BOC: variants seen among roughly 807,000 people sequenced by gnomAD.
The protein encoded by BOC is brother of CDO.
A neutral mutation model predicts 112.0 loss-of-function variants in BOC; 76 were observed. The observed-to-expected ratio is 0.68, with a 90% CI of 0.56 to 0.82. The LOEUF (loss-of-function observed/expected upper bound fraction) is 0.82, where lower values mean the gene tolerates loss of function less well. BOC is among the 40% of genes least tolerant of loss of function. The pLI, the probability that BOC is intolerant of heterozygous loss-of-function variation, is 0.00. For missense variants in BOC, 1,309 were observed against 1,511.7 expected (o/e 0.87, Z 2.22); for synonymous variants, 580 against 599.8 (o/e 0.97, Z 0.48).
intron 4 of BOC, among the ~76,000 whole-genome samples, chr3:113,257,841 C>G (rs1243868045): frequency 6.6e-6 from 1 of 152,156 alleles, no homozygotes; most frequent in Admixed American, 6.5e-5. Context: ...TGAAAAACAG[C>G]AAAGCACTCA....
In BOC at chr3:113,281,869, CCTGAGTGCCT is replaced by C. The variant is rs1347018917; in HGVS notation, c.2434+720_2434+729del. On this transcript the variant is annotated intron_variant, in intron 15 of 19. Coordinates refer to ENST00000682979, the MANE Select transcript of BOC (RefSeq NM_001378074.1). ...GCTTTCAGTTGTTCAGCAGATCCTC[CCTGAGTGCCT>C]CTGTGTCTCTCCCTGCCCTCTTCCA... Among the ~76,000 whole-genome samples the C allele has an allele frequency of 3.9e-5, 6 of 152,170 alleles. No homozygotes were observed. The South Asian group carries it at 1.0e-3, about 26-fold the overall frequency.
At chr3:113,286,582 C>G in intron 19 of BOC, 93 bp from the exon 20 acceptor site, 4 of 1,162,936 alleles carry the variant, frequency 3.4e-6, no homozygotes, top group Non-Finnish European at 4.7e-6. Context: ...AGTGTAACCA[C>G]CTCCACCACA....
intron 2 of BOC, among the ~76,000 whole-genome samples, chr3:113,236,084 A>G (rs1220205077): frequency 6.6e-6 from 1 of 151,718 alleles, no homozygotes; most frequent in Non-Finnish European, 1.5e-5. Context: ...AGGAAAGGAA[A>G]TCATTACATA....
chr3:113,219,948 C>T (rs776125520), intron 2 of BOC, among the ~76,000 whole-genome samples: 7 of 152,154 alleles, frequency 4.6e-5, no homozygotes, highest in Non-Finnish European at 1.0e-4. Flanking sequence ...GAGTCTGCTG[C>T]TTCTTAATCT....
At chr3:113,222,536 T>C (rs552988877) in intron 2 of BOC, among the ~76,000 whole-genome samples, 1 of 152,200 alleles carries the variant, frequency 6.6e-6, no homozygotes, top group South Asian at 2.1e-4. Flanking sequence ...TTCTTCTCTC[T>C]TCCTCAAGGT....
chr3:113,279,750 G>C, intron 12 of BOC, 74 bp from the exon 13 acceptor site: 1 of 1,467,976 alleles, frequency 6.8e-7, no homozygotes, highest in East Asian at 2.3e-5. Flanking sequence ...TCCAGGTCCT[G>C]GGCCTTGAAA....
intron 4 of BOC, among the ~76,000 whole-genome samples, chr3:113,264,643 C>T (rs1249707731): frequency 6.6e-6 from 1 of 152,152 alleles, no homozygotes; most frequent in Non-Finnish European, 1.5e-5. Flanking sequence ...ATCATGAACT[C>T]CCCACCCCTC....
chr3:113,235,199 G>T (rs994274956), intron 2 of BOC, among the ~76,000 whole-genome samples: 4 of 152,194 alleles, frequency 2.6e-5, no homozygotes, highest in Non-Finnish European at 5.9e-5. Flanking sequence ...TGTCAACTCT[G>T]AGCACCTAAA....
intron 2 of BOC, among the ~76,000 whole-genome samples, chr3:113,239,641 G>A (rs78397343): frequency 0.015 from 2,219 of 152,298 alleles, 50 homozygotes; most frequent in African/African-American, 0.05. Flanking sequence ...CCCACATGGC[G>A]GGCTTGTCAC....
In BOC at chr3:113,276,153, C is replaced by T. The variant is rs553385110; in HGVS notation, c.1542+1471C>T. Among the ~76,000 whole-genome samples, 12 of 152,328 alleles carry T rather than the reference C, an allele frequency of 7.9e-5. No homozygotes were observed. In the East Asian group the frequency reaches 9.6e-4, roughly 12 times the overall value. ...TAGACAAAGATCAGGGCAGGCCAAA[C>T]GCCCATGGTTCCCAGGAGACAAAAC... On this transcript the variant is annotated intron_variant, in intron 9 of 19. Coordinates refer to ENST00000682979, the MANE Select transcript of BOC (RefSeq NM_001378074.1).
At position 113,270,936 on chromosome 3, in the gene BOC, G is replaced by T. The variant is rs142636875; in HGVS notation, c.659G>T (p.Arg220Leu). The T allele has an allele frequency of 1.2e-6, 2 of 1,614,178 alleles. No homozygotes were observed. Among genetic ancestry groups the T allele is most frequent in the Non-Finnish European group, 1.7e-6 (2 of 1,180,036 alleles). Residue 220 changes from arginine (R) to leucine (L), a missense_variant, in exon 6 of 20, where the codon CGT becomes CTT. Physicochemically the swap from Arg to Leu is moderately radical, Grantham distance 102 (BLOSUM62 -2). Transcript: ENST00000682979. ...ACCTCCGGCTCCAGCGACAGGCTAC[G>T]TGTGCGCCGTAAGGCCCGGGCCCAC... ...VKTSGSSDRL[R>L]VRRSTAEAAR...
Position 113,281,165 on chromosome 3 carries a change from TG to T in BOC, c.2434+15del. On this transcript the variant is annotated intron_variant, in intron 15 of 19. Coordinates refer to ENST00000682979, the MANE Select transcript of BOC (RefSeq NM_001378074.1). ...CTGTGAGACCAAAGGTGAAGCTCTT[TG>T]GGTTCTCTCTCCTGTCTTGGTGTTT... is the stretch of plus-strand genomic sequence containing the variant. 1.2e-6 allele frequency: 2 copies of T among 1,613,928 alleles called. No individual in the cohort carries two copies. Among genetic ancestry groups the T allele is most frequent in the Non-Finnish European group, 1.7e-6 (2 of 1,179,894 alleles).
chr3:113,283,781 C>A, intron 16 of BOC, 149 bp downstream of exon 16: 1 of 718,690 alleles, frequency 1.4e-6, no homozygotes, highest in Non-Finnish European at 2.2e-6. Flanking sequence ...ACGACTGGGC[C>A]CCTCCCCCAG....
At chr3:113,237,891 A>G (rs1943779310) in intron 2 of BOC, among the ~76,000 whole-genome samples, 1 of 152,202 alleles carries the variant, frequency 6.6e-6, no homozygotes, top group African/African-American at 2.4e-5. Context: ...CTGAAAAAGC[A>G]CCTATGATGT....
intron 2 of BOC, among the ~76,000 whole-genome samples, chr3:113,218,885 G>A (rs1408561151): frequency 1.3e-5 from 2 of 152,202 alleles, no homozygotes; most frequent in Non-Finnish European, 2.9e-5. Flanking sequence ...TCAACAATGG[G>A]AGAAGGGGGG....
chr3:113,258,488 G>A (rs6438134), intron 4 of BOC, among the ~76,000 whole-genome samples: 8,854 of 152,168 alleles, frequency 0.058, 511 homozygotes, highest in African/African-American at 0.15. Flanking sequence ...CCCCACTTCC[G>A]CCCCCGTCTG....
At chr3:113,227,218 T>C (rs1336973477) in intron 2 of BOC, among the ~76,000 whole-genome samples, 2 of 152,212 alleles carry the variant, frequency 1.3e-5, no homozygotes, top group African/African-American at 4.8e-5. Context: ...GTAAGTTGTA[T>C]AGGTAGAGAA....
Position 113,273,283 on chromosome 3 carries a change from G to T in BOC, c.1176G>T (p.Met392Ile). The change falls in exon 8 of 20, where the codon ATG (methionine) becomes ATT (isoleucine). Residue 392 changes from methionine (M) to isoleucine (I), a missense_variant. Transcript: ENST00000682979. ...AGGACGAAGGCGTCTACCAGTGCATGGCCGAGAACGAGGTTGGGAGCGCCC... is the reference window on the plus strand; with the variant it reads ...AGGACGAAGGCGTCTACCAGTGCATTGCCGAGAACGAGGTTGGGAGCGCCC... ...GPEDEGVYQC[M>I]AENEVGSAHA... The T allele has an allele frequency of 6.2e-7, 1 of 1,606,800 alleles. No individual in the cohort carries two copies. Among genetic ancestry groups the T allele is most frequent in the Non-Finnish European group, 8.5e-7 (1 of 1,174,688 alleles).
At position 113,236,282 on chromosome 3, in the gene BOC, GTATA is replaced by G. The variant is rs71706132; in HGVS notation, c.-81-13413_-81-13410del. Among the ~76,000 whole-genome samples the G allele has an allele frequency of 3.2e-3, 208 of 64,332 alleles. 15 individuals carry two copies. Among genetic ancestry groups the G allele is most frequent in the Middle Eastern group, 0.011 (1 of 92 alleles). 42.2% of individuals were successfully genotyped at this position (64,332 alleles called of 152,430 possible). ...TGTGTGTGTGTATATATACCCATGGGTATATATATATATATATATATATATATAT... is the reference window on the plus strand; with the variant it reads ...TGTGTGTGTGTATATATACCCATGGGTATATATATATATATATATATATAT... On this transcript the variant is annotated intron_variant, in intron 2 of 19. Coordinates refer to ENST00000682979, the MANE Select transcript of BOC (RefSeq NM_001378074.1).
Sources: allele counts gnomAD v4.1 joint callset (sites outside exome capture counted in the v4.1 genomes callset), GRCh38; gene constraint gnomAD v4.1.1; transcripts MANE v1.5; gene names NCBI Gene and HGNC (gene_info 2026-07-23, HGNC 2026-07-21).